Variants in NNMT observed in about 807,000 individuals in gnomAD.
NNMT encodes nicotinamide N-methyltransferase.
Under a neutral mutation model 11.7 loss-of-function variants are expected in NNMT, and 10 were observed. The ratio of observed to expected loss-of-function variants is 0.85; its 90% CI spans 0.53 to 1.45. The LOEUF (loss-of-function observed/expected upper bound fraction) is 1.45. Among genes scored for constraint, NNMT ranks in the 40% most tolerant of loss-of-function variants. The pLI is 0.00. For synonymous variants in NNMT, 143 were observed against 133.8 expected, an observed-to-expected ratio of 1.07 and a Z score of -0.48; for missense variants, 381 against 319.4, an observed-to-expected ratio of 1.19 and a Z score of -1.47.
chr11:114,293,673 C>T (rs890683354), upstream of NNMT, among the ~76,000 whole-genome samples: 40 of 151,932 alleles, frequency 2.6e-4, no homozygotes, highest in African/African-American at 9.4e-4. Context: ...AAAGGGGACC[C>T]TTGTACACTG....
upstream of NNMT, among the ~76,000 whole-genome samples, chr11:114,295,286 C>T (rs1043895299): frequency 6.6e-6 from 1 of 152,042 alleles, no homozygotes; most frequent in Non-Finnish European, 1.5e-5. Context: ...GACATGTTGT[C>T]AGTGAGGTAG....
intron 2 of NNMT, among the ~76,000 whole-genome samples, chr11:114,264,643 A>C (rs2135242169): frequency 6.6e-6 from 1 of 152,292 alleles, no homozygotes; most frequent in South Asian, 2.1e-4. Context: ...TCAGTCCCAC[A>C]AAAGCGCCTC....
chr11:114,298,514 G>A (rs1213155416), intron 2 of NNMT, among the ~76,000 whole-genome samples: 2 of 152,176 alleles, frequency 1.3e-5, no homozygotes, highest in Non-Finnish European at 2.9e-5. Flanking sequence ...GGCTAACCCA[G>A]CTTCTCACCA....
At chr11:114,260,248 G>A (rs938689733) in intron 1 of NNMT, among the ~76,000 whole-genome samples, 1 of 152,204 alleles carries the variant, frequency 6.6e-6, no homozygotes, top group Non-Finnish European at 1.5e-5. Context: ...TGTCCATCGC[G>A]GAGATGGCCG....
At chr11:114,305,064 A>C (rs543023233) in intron 2 of NNMT, among the ~76,000 whole-genome samples, 1 of 152,350 alleles carries the variant, frequency 6.6e-6, no homozygotes, top group South Asian at 2.1e-4. Flanking sequence ...TAGTTTGACA[A>C]CACGTGGGAG....
chr11:114,298,056 C>G lies in NNMT; in HGVS notation c.260C>G (p.Ser87Ter). Residue 87 changes from serine (S) to a stop codon, truncating the protein, a stop_gained, in exon 2 of 3, where the codon TCA becomes TGA. Transcript: ENST00000299964. LOFTEE classifies it high-confidence loss of function. ...AAGGAGATCGTCGTCACTGACTACTCAGACCAGAACCTGCAGGAGCTGGAG... is the reference window on the plus strand; with the variant it reads ...AAGGAGATCGTCGTCACTGACTACTGAGACCAGAACCTGCAGGAGCTGGAG... ...SFKEIVVTDY[S>*]DQNLQELEKW... is the part of the protein sequence containing the mutation. 6.2e-7 allele frequency: 1 copy of G among 1,614,110 alleles called. No homozygotes were observed. Among genetic ancestry groups the G allele is most frequent in the Non-Finnish European group, 8.5e-7 (1 of 1,180,022 alleles).
At chr11:114,286,223 C>A (rs1034174057) in intron 2 of NNMT, among the ~76,000 whole-genome samples, 1 of 152,134 alleles carries the variant, frequency 6.6e-6, no homozygotes, top group Non-Finnish European at 1.5e-5. Context: ...TAAATTTGTG[C>A]TTGTTTCGAG....
Position 114,312,829 on chromosome 11 carries a change from G to A in NNMT, c.*352G>A. 1 of 209,996 alleles carries A rather than the reference G, an allele frequency of 4.8e-6. No individual in the cohort carries two copies. The highest frequency in any genetic ancestry group is 9.7e-6 in the Non-Finnish European group (1 of 103,564). The allele number at this position is 209,996 out of a possible 1,614,324, so 13.0% of individuals were successfully genotyped here. ...TTACTCACTATTAGTTTCCTAAGGG[G>A]GCACTGCTGGCTCCTTCTCTCCCAG... On this transcript the variant is annotated 3_prime_UTR_variant, in exon 3 of 3. Coordinates refer to ENST00000299964, the MANE Select transcript of NNMT (RefSeq NM_006169.3).
intron 2 of NNMT, among the ~76,000 whole-genome samples, chr11:114,271,841 G>A (rs1437463543): frequency 1.3e-5 from 2 of 152,082 alleles, no homozygotes; most frequent in Admixed American, 1.3e-4. Flanking sequence ...AATTAATTAG[G>A]TATGCTACTT....
intron 2 of NNMT, among the ~76,000 whole-genome samples, chr11:114,308,947 A>G (rs1945519549): frequency 6.6e-6 from 1 of 152,196 alleles, no homozygotes; most frequent in Non-Finnish European, 1.5e-5. Context: ...CAGTTTGGGA[A>G]CAATTTGCAT....
At chr11:114,275,844 T>C (rs1283942100) in intron 2 of NNMT, among the ~76,000 whole-genome samples, 1 of 152,092 alleles carries the variant, frequency 6.6e-6, no homozygotes, top group African/African-American at 2.4e-5. Flanking sequence ...AGATTAGGGT[T>C]AGAATATTCT....
chr11:114,309,533 T>A (rs1945528580), intron 2 of NNMT, among the ~76,000 whole-genome samples: 1 of 152,130 alleles, frequency 6.6e-6, no homozygotes, highest in African/African-American at 2.4e-5. Context: ...AGATACCAGT[T>A]TAGTGGTTGG....
At chr11:114,273,619 C>CA (rs1217227866) in intron 2 of NNMT, among the ~76,000 whole-genome samples, 2 of 152,162 alleles carry the variant, frequency 1.3e-5, no homozygotes, top group Admixed American at 1.3e-4. Context: ...GTGGGTGGAT[C>CA]ACCTGAGGTC....
intron 2 of NNMT, among the ~76,000 whole-genome samples, chr11:114,303,261 T>G (rs1945456105): frequency 6.6e-6 from 1 of 152,136 alleles, no homozygotes; most frequent in South Asian, 2.1e-4. Context: ...ACTTATCAAG[T>G]CGGGTAAAAA....
intron 1 of NNMT, chr11:114,262,785 T>A (rs1366112820): frequency 6.6e-6 from 1 of 152,202 alleles, no homozygotes; most frequent in Non-Finnish European, 1.5e-5. Flanking sequence ...TGGCTCCCTA[T>A]CACCTGTCAG....
chr11:114,268,726 A>G (rs549595632), intron 2 of NNMT, among the ~76,000 whole-genome samples: 126 of 138,940 alleles, frequency 9.1e-4, no homozygotes, highest in African/African-American at 3.3e-3. Flanking sequence ...CCGAGATCGC[A>G]CCACTGCACT....
At chr11:114,275,406 C>T (rs145469604) in intron 2 of NNMT, among the ~76,000 whole-genome samples, 115 of 152,296 alleles carry the variant, frequency 7.6e-4, no homozygotes, top group African/African-American at 2.5e-3. Context: ...TTGCACTTGG[C>T]TGACTTGTTT....
At chr11:114,311,102 G>A (rs1404825796) in intron 2 of NNMT, among the ~76,000 whole-genome samples, 2 of 152,208 alleles carry the variant, frequency 1.3e-5, no homozygotes, top group East Asian at 3.9e-4. Flanking sequence ...GCTGAGGCAG[G>A]AGGATCACTT....
chr11:114,279,717 C>A (rs1036576818), intron 2 of NNMT, among the ~76,000 whole-genome samples: 1 of 152,238 alleles, frequency 6.6e-6, no homozygotes, highest in Non-Finnish European at 1.5e-5. Flanking sequence ...TGCAATCAGA[C>A]TTCACCAATA....
Sources: gnomAD v4.1 joint callset for allele counts (sites outside exome capture counted in the v4.1 genomes callset) on GRCh38, gnomAD v4.1.1 for gene constraint, MANE v1.5 for transcripts, NCBI Gene and HGNC (gene_info 2026-07-23, HGNC 2026-07-21) for gene names.